FLI1: variants seen among roughly 807,000 people sequenced by gnomAD.
FLI1 encodes the protein Fli-1 proto-oncogene, ETS transcription factor, also known as Friend leukemia integration 1 transcription factor.
In FLI1, 13 loss-of-function variants were observed where a neutral mutation model predicts 53.1. That is an observed-to-expected ratio of 0.24 (90% confidence interval 0.16 to 0.39). FLI1 has a LOEUF of 0.39. FLI1 is among the 10% of genes least tolerant of loss of function. FLI1 has a pLI of 1.00. For synonymous variants in FLI1, 244 were observed against 236.7 expected (o/e 1.03, Z -0.28); for missense variants, 424 against 600.5 (o/e 0.71, Z 3.07).
chr11:128,758,026 C>T, intron 1 of FLI1, 89 bp from the exon 2 acceptor site: 1 of 1,213,102 alleles, frequency 8.2e-7, no homozygotes, highest in East Asian at 2.5e-5. Context: ...TGGGGCAGCC[C>T]TGGGCCACCT....
intron 1 of FLI1, among the ~76,000 whole-genome samples, chr11:128,750,311 C>A (rs764424230): frequency 3.3e-5 from 5 of 152,128 alleles, no homozygotes; most frequent in Non-Finnish European, 5.9e-5. Context: ...CAGGGCAGAA[C>A]AGAGGGAAAG....
intron 3 of FLI1, among the ~76,000 whole-genome samples, chr11:128,768,803 C>G (rs1941449249): frequency 6.6e-6 from 1 of 151,254 alleles, no homozygotes; most frequent in East Asian, 2.0e-4. Context: ...CACCCTTAAA[C>G]AGACCACATC....
intron 1 of FLI1, among the ~76,000 whole-genome samples, chr11:128,726,560 A>G: frequency 1.2e-4 from 1 of 8,468 alleles, no homozygotes. Flanking sequence ...ACCCCCGCCT[A>G]AGCTCCATAC....
At chr11:128,750,338 A>G (rs1414405992) in intron 1 of FLI1, among the ~76,000 whole-genome samples, 4 of 152,188 alleles carry the variant, frequency 2.6e-5, no homozygotes, top group African/African-American at 9.7e-5. Flanking sequence ...GAAGGACACA[A>G]TGGGACATTG....
rs568831459 is a variant in FLI1, at chr11:128,741,208, A to G, written c.19-16907A>G. On this transcript the variant is annotated intron_variant, in intron 1 of 8. Coordinates refer to ENST00000527786, the MANE Select transcript of FLI1 (RefSeq NM_002017.5). The stretch of plus-strand genomic sequence containing the variant: ...CAGGAGTTGGAGACCAGGCTGGCAA[A>G]CATAACGAAACCCTGTCTCTACTAA... 1.1e-4 allele frequency among the ~76,000 whole-genome samples: 17 copies of G among 152,228 alleles called. No homozygotes were observed. In the South Asian group the frequency reaches 3.3e-3, roughly 30 times the overall value.
chr11:128,694,893 G>C (rs1565452435), intron 1 of FLI1, among the ~76,000 whole-genome samples: 1 of 152,142 alleles, frequency 6.6e-6, no homozygotes. Context: ...TCAGTCGCCC[G>C]GCTCTAGGCG....
intron 6 of FLI1, 33 bp downstream of exon 6, chr11:128,805,464 AG>A: frequency 7.4e-7 from 1 of 1,357,622 alleles, no homozygotes; most frequent in South Asian, 1.3e-5. Flanking sequence ...TTTGGAGGAA[AG>A]CATGTTTCTG....
chr11:128,807,361 G>A (rs1450413203), intron 7 of FLI1, 122 bp downstream of exon 7: 7 of 598,324 alleles, frequency 1.2e-5, no homozygotes, highest in South Asian at 6.5e-5. Context: ...CTCTCAAAGA[G>A]GGTCTATCTT....
intron 1 of FLI1, among the ~76,000 whole-genome samples, chr11:128,720,423 G>C (rs762536915): frequency 1.3e-5 from 2 of 152,146 alleles, no homozygotes; most frequent in East Asian, 3.9e-4. Context: ...CTAAAAAGGA[G>C]CCCACGTGAA....
rs1178326424 is a variant in FLI1 at position 128,745,053 on chromosome 11, C to G, written c.19-13062C>G. On this transcript the variant is annotated intron_variant, in intron 1 of 8. Coordinates refer to ENST00000527786, the MANE Select transcript of FLI1 (RefSeq NM_002017.5). ...TGATTAGGCAGAGAAGACAGGGAGG[C>G]AATTCTATGCAGGTGAAGCTGCATA... Among the ~76,000 whole-genome samples the G allele has an allele frequency of 3.3e-5, 5 of 152,010 alleles. No homozygotes were observed. In the East Asian group the frequency reaches 7.7e-4, roughly 23 times the overall value.
At chr11:128,716,252 C>A (rs767580863) in intron 1 of FLI1, among the ~76,000 whole-genome samples, 1 of 152,248 alleles carries the variant, frequency 6.6e-6, no homozygotes, top group Admixed American at 6.5e-5. Context: ...CTCCCCACCC[C>A]CTCCAAGCCA....
chr11:128,769,284 C>A (rs1425344178), intron 3 of FLI1, among the ~76,000 whole-genome samples: 1 of 151,970 alleles, frequency 6.6e-6, no homozygotes, highest in East Asian at 1.9e-4. Context: ...GTAGAAGGGG[C>A]AAGGATGTCC....
chr11:128,740,874 A>G (rs925456476), intron 1 of FLI1, among the ~76,000 whole-genome samples: 2 of 152,212 alleles, frequency 1.3e-5, no homozygotes, highest in African/African-American at 2.4e-5. Context: ...GGGGATGGGG[A>G]CTAGGTGAAC....
intron 1 of FLI1, among the ~76,000 whole-genome samples, chr11:128,719,877 G>T (rs1395453204): frequency 1.3e-5 from 2 of 152,200 alleles, no homozygotes; most frequent in East Asian, 3.8e-4. Flanking sequence ...GACTAAGTTA[G>T]TAAGCCCATC....
chr11:128,736,685 T>C (rs1939929664), intron 1 of FLI1, among the ~76,000 whole-genome samples: 1 of 152,254 alleles, frequency 6.6e-6, no homozygotes, highest in South Asian at 2.1e-4. Flanking sequence ...AAATTCTGTA[T>C]ATATAATCAA....
At chr11:128,761,134 G>A (rs529023339) in intron 2 of FLI1, among the ~76,000 whole-genome samples, 37 of 151,872 alleles carry the variant, frequency 2.4e-4, no homozygotes, top group African/African-American at 8.0e-4. Flanking sequence ...TCTTCCCTCC[G>A]CGCCAGCCTC....
At chr11:128,800,497 A>G (rs987922775) in intron 5 of FLI1, among the ~76,000 whole-genome samples, 1 of 152,184 alleles carries the variant, frequency 6.6e-6, no homozygotes, top group African/African-American at 2.4e-5. Context: ...AGAAGCAAAT[A>G]TCTTCCCAAA....
chr11:128,747,429 C>T (rs921117377), intron 1 of FLI1, among the ~76,000 whole-genome samples: 1 of 152,230 alleles, frequency 6.6e-6, no homozygotes. Context: ...CAGGTTCTCC[C>T]ATGCCATGTG....
intron 1 of FLI1, among the ~76,000 whole-genome samples, chr11:128,729,401 C>T (rs1939606668): frequency 6.6e-6 from 1 of 152,248 alleles, no homozygotes; most frequent in South Asian, 2.1e-4. Context: ...AAGTCTTAAT[C>T]TCAGGCACAC....
Sources: gnomAD v4.1 joint callset for allele counts (sites outside exome capture counted in the v4.1 genomes callset) on GRCh38, gnomAD v4.1.1 for gene constraint, MANE v1.5 for transcripts, NCBI Gene and HGNC (gene_info 2026-07-23, HGNC 2026-07-21) for gene names.